Variants in CRACD observed in about 807,000 individuals in gnomAD.
The protein encoded by CRACD is capping protein-inhibiting regulator of actin dynamics.
In CRACD, 56 loss-of-function variants were observed where a neutral mutation model predicts 106.8. The observed-to-expected ratio is 0.52, with a 90% CI of 0.42 to 0.66. The LOEUF is 0.66. Among genes scored for constraint, CRACD ranks in the 30% least tolerant of loss-of-function variants. The pLI, the probability that CRACD is intolerant of heterozygous loss-of-function variation, is 0.00. For missense variants in CRACD, 1,730 were observed against 1,623.2 expected (o/e 1.07, Z -1.13); for synonymous variants, 754 against 670.8 (o/e 1.12, Z -1.92).
At chr4:56,308,282 G>A (rs1045633361) in intron 5 of CRACD, among the ~76,000 whole-genome samples, 6 of 144,900 alleles carry the variant, frequency 4.1e-5, no homozygotes, top group Non-Finnish European at 9.1e-5. Flanking sequence ...ACCTAGTCTG[G>A]AAAGAAAGTC....
At chr4:56,284,287 T>C (rs1305428297) in intron 3 of CRACD, among the ~76,000 whole-genome samples, 1 of 3,978 alleles carries the variant, frequency 2.5e-4, no homozygotes, top group Non-Finnish European at 4.6e-4. Context: ...GAACCCATCC[T>C]AAAGTAAAAA....
At chr4:56,220,963 G>C (rs1270357825) in intron 2 of CRACD, among the ~76,000 whole-genome samples, 1 of 152,182 alleles carries the variant, frequency 6.6e-6, no homozygotes, top group Non-Finnish European at 1.5e-5. Flanking sequence ...TCCAGGTAGA[G>C]AGAGAATCAT....
In CRACD at chr4:56,049,294, C is replaced by CCTG. The variant is rs1318422111; in HGVS notation, c.-339_-338insGCT. 6.6e-6 allele frequency: 1 copy of CCTG among 151,554 alleles called. No individual in the cohort carries two copies. Among genetic ancestry groups the CCTG allele is most frequent in the African/African-American group, 2.4e-5 (1 of 41,348 alleles). The allele number at this position is 151,554 out of a possible 1,614,324, so 9.4% of individuals were successfully genotyped here. On this transcript the variant is annotated 5_prime_UTR_variant, in exon 1 of 11. Transcript: ENST00000682029. Reference sequence around the variant, plus strand: ...TGCCAGCCGGAGCGCCAGGCGGGGACCTCAGGTGAGCGCCTGCTCGGCCCG... The same window carrying CCTG: ...TGCCAGCCGGAGCGCCAGGCGGGGACCTGCTCAGGTGAGCGCCTGCTCGGCCCG...
rs1265031626 is a variant in CRACD at position 56,329,154 on chromosome 4, T to G, written c.*1350T>G. 1.3e-5 allele frequency among the ~76,000 whole-genome samples: 2 copies of G among 152,216 alleles called. No homozygotes were observed. The highest frequency in any genetic ancestry group is 4.8e-5 in the African/African-American group (2 of 41,458). Reference sequence around the variant, plus strand: ...AGTTTAAAAGCCACATATATTCACTTTTATTGCCCTAAATTTACATGAAAC... The same window carrying G: ...AGTTTAAAAGCCACATATATTCACTGTTATTGCCCTAAATTTACATGAAAC... On this transcript the variant is annotated 3_prime_UTR_variant, in exon 11 of 11. Transcript: ENST00000682029.
At chr4:56,098,665 A>G (rs1733673556) in intron 1 of CRACD, among the ~76,000 whole-genome samples, 1 of 152,174 alleles carries the variant, frequency 6.6e-6, no homozygotes. Flanking sequence ...CTTGTTTCCC[A>G]GGAGACCTCC....
At chr4:56,326,900 T>TG (rs1322149987) in intron 10 of CRACD, among the ~76,000 whole-genome samples, 1 of 152,038 alleles carries the variant, frequency 6.6e-6, no homozygotes, top group Non-Finnish European at 1.5e-5. Context: ...CCAACAAGCC[T>TG]GGCTACTTTT....
intron 2 of CRACD, among the ~76,000 whole-genome samples, chr4:56,265,728 G>C (rs1325312280): frequency 6.6e-6 from 1 of 152,188 alleles, no homozygotes; most frequent in African/African-American, 2.4e-5. Flanking sequence ...TCTCAAAAAT[G>C]TGCTGGTACC....
chr4:56,308,884 G>A (rs1744937979), intron 5 of CRACD: 1 of 1,289,006 alleles, frequency 7.8e-7, no homozygotes. Context: ...GAGCTCATAA[G>A]TGCTGGGCAC....
chr4:56,280,851 G>A (rs921884148), intron 3 of CRACD, among the ~76,000 whole-genome samples: 2 of 152,180 alleles, frequency 1.3e-5, no homozygotes, highest in African/African-American at 4.8e-5. Context: ...ACCGTTGTTT[G>A]CATTGATTCA....
At chr4:56,270,884 C>A (rs752354480) in intron 2 of CRACD, among the ~76,000 whole-genome samples, 3 of 151,568 alleles carry the variant, frequency 2.0e-5, no homozygotes, top group Admixed American at 2.0e-4. Flanking sequence ...GAGTTCAAAA[C>A]CAGCCTGGCC....
At chr4:56,201,108 A>T (rs1445388587) in intron 2 of CRACD, among the ~76,000 whole-genome samples, 2 of 152,218 alleles carry the variant, frequency 1.3e-5, no homozygotes, top group Non-Finnish European at 2.9e-5. Flanking sequence ...GACTAATGAG[A>T]TAATTAATTA....
At chr4:56,292,483 A>C (rs1743752338) in intron 3 of CRACD, among the ~76,000 whole-genome samples, 1 of 150,708 alleles carries the variant, frequency 6.6e-6, no homozygotes, top group African/African-American at 2.4e-5. Context: ...AGCCTTCAAG[A>C]AGATCAGGTG....
chr4:56,263,851 A>G (rs1741850153), intron 2 of CRACD, among the ~76,000 whole-genome samples: 1 of 152,168 alleles, frequency 6.6e-6, no homozygotes, highest in South Asian at 2.1e-4. Context: ...TTTTAAGGAC[A>G]TAGGTCTTGA....
chr4:56,250,691 C>T (rs4865076), intron 2 of CRACD, among the ~76,000 whole-genome samples: 15,756 of 152,126 alleles, frequency 0.1, 2,177 homozygotes, highest in East Asian at 0.61. Context: ...TGTGTAACAA[C>T]GGGCAAATCA....
intron 2 of CRACD, among the ~76,000 whole-genome samples, chr4:56,189,984 A>C: frequency 1.3e-5 from 1 of 78,468 alleles, no homozygotes; most frequent in South Asian, 5.0e-4. Flanking sequence ...CCCACCCCAC[A>C]ACAGTCCCCA....
At position 56,315,757 on chromosome 4, in the gene CRACD, G is replaced by A; in HGVS notation, c.2255G>A (p.Gly752Glu). Residue 752 changes from glycine (G) to glutamate (E), a missense_variant, in exon 8 of 11, where the codon GGA (glycine) becomes GAA (glutamate). Gly to Glu is a moderately conservative substitution (Grantham distance 98). This residue lies in a region of CRACD where 1,620 missense variants were observed against 1,481.6 expected (regional missense o/e 1.09). Transcript: ENST00000682029. This position sits in a 1 kb window ranked among gnomAD's most constrained non-coding sequence, Gnocchi z 4.1. ...AESIRKRPML[G>E]PSEETAPQPP... is the part of the protein sequence containing the mutation. ...AGCATACGAAAAAGACCCATGCTGG[G>A]ACCCAGCGAAGAGACAGCCCCCCAG... 3.1e-6 allele frequency: 5 copies of A among 1,614,238 alleles called. No homozygotes were observed. Among genetic ancestry groups the A allele is most frequent in the Non-Finnish European group, 4.2e-6 (5 of 1,180,046 alleles).
intron 1 of CRACD, among the ~76,000 whole-genome samples, chr4:56,127,379 T>G (rs7657412): frequency 1 from 152,364 of 152,364 alleles, 76,182 homozygotes; most frequent in Non-Finnish European, 1. Context: ...AATAACTTTA[T>G]TAGAAAGAAT....
At chr4:56,083,433 T>C (rs1560445955) in intron 1 of CRACD, among the ~76,000 whole-genome samples, 1 of 152,210 alleles carries the variant, frequency 6.6e-6, no homozygotes, top group Non-Finnish European at 1.5e-5. Context: ...GTCAATTAAC[T>C]GGTTAGACTG....
At chr4:56,109,270 T>C (rs1487257421) in intron 1 of CRACD, among the ~76,000 whole-genome samples, 2 of 152,264 alleles carry the variant, frequency 1.3e-5, no homozygotes, top group Non-Finnish European at 2.9e-5. Flanking sequence ...CTAATGATTA[T>C]TAACGTTTAT....
Sources: allele counts gnomAD v4.1 joint callset (sites outside exome capture counted in the v4.1 genomes callset), GRCh38; gene constraint gnomAD v4.1.1; regional missense constraint gnomAD v4.1.1; non-coding constraint Gnocchi (gnomAD v3.1); transcripts MANE v1.5; gene names NCBI Gene and HGNC (gene_info 2026-07-23, HGNC 2026-07-21).